MMP24OS: variants seen among roughly 807,000 people sequenced by gnomAD.
The protein encoded by MMP24OS is MMP24 opposite strand.
chr20:35,277,884 G>C lies in MMP24OS; in HGVS notation c.46C>G (p.Gln16Glu). 5.0e-6 allele frequency: 2 copies of C among 398,942 alleles called. No homozygotes were observed. The highest frequency in any genetic ancestry group is 8.8e-6 in the Non-Finnish European group (2 of 226,538). The allele number at this position is 398,942 out of a possible 1,614,324, so 24.7% of individuals were successfully genotyped here. ...SGGRGAPEPA[Q>E]TQPQPQPQPA... ...TGGGGCTGGGGCTGGGGCTGGGTTT[G>C]CGCAGGCTCCGGGGCGCCGCGGCCG... The change falls in exon 2 of 2, where the codon CAA (glutamine) becomes GAA (glutamate). Residue 16 changes from glutamine (Q) to glutamate (E), a missense_variant. Gln to Glu is a conservative substitution (Grantham distance 29, BLOSUM62 2). Coordinates refer to ENST00000456790, the MANE Select transcript of MMP24OS (RefSeq NM_001355003.2).
Position 35,278,034 on chromosome 20 carries a change from C to A in MMP24OS, c.-29G>T. 1 of 389,180 alleles carries A rather than the reference C, an allele frequency of 2.6e-6. No individual in the cohort carries two copies. The allele number at this position is 389,180 out of a possible 1,614,324, so 24.1% of individuals were successfully genotyped here. ...CTCTCGCAGCCAGACCCGCGGGTCT[C>A]CCGGAACCCACCTCGGCGTCGGGAG... is the stretch of plus-strand genomic sequence containing the variant. On this transcript the variant is annotated 5_prime_UTR_variant, in exon 1 of 2. Coordinates refer to ENST00000456790, the MANE Select transcript of MMP24OS (RefSeq NM_001355003.2).
rs865837800 is a variant in MMP24OS, at chr20:35,278,104, C to G, written c.-99G>C. ...ACCACCGCGTACCGACCTCACCCTC[C>G]GTGCGTTGGAGCGGAAAGAAGGGAC... On this transcript the variant is annotated 5_prime_UTR_variant, in exon 1 of 2. Transcript: ENST00000456790. 5.2e-6 allele frequency: 2 copies of G among 387,946 alleles called. No individual in the cohort carries two copies. Among genetic ancestry groups the G allele is most frequent in the East Asian group, 7.3e-5 (2 of 27,250 alleles). 24.0% of individuals were successfully genotyped at this position (387,946 alleles called of 1,614,324 possible).
At position 35,277,616 on chromosome 20, in the gene MMP24OS, G is replaced by T. The variant is rs2060720714; in HGVS notation, c.*98C>A. ...ATCTCTGGGGAGCCTCGGGTGGGAG[G>T]GGGTGTAAGAGACGCAGGGACGTGG... On this transcript the variant is annotated 3_prime_UTR_variant, in exon 2 of 2. Transcript: ENST00000456790. 2 of 392,722 alleles carry T rather than the reference G, an allele frequency of 5.1e-6. No individual in the cohort carries two copies. The highest frequency in any genetic ancestry group is 7.2e-5 in the East Asian group (2 of 27,648). 24.3% of individuals were successfully genotyped at this position (392,722 alleles called of 1,614,324 possible). A position where few individuals can be genotyped will look rare whatever the true frequency, so the allele number is the denominator to read the frequency against.
chr20:35,276,424 G>A lies in MMP24OS; in HGVS notation c.*1290C>T, dbSNP rs537012121. On this transcript the variant is annotated 3_prime_UTR_variant, in exon 2 of 2. Coordinates refer to ENST00000456790, the MANE Select transcript of MMP24OS (RefSeq NM_001355003.2). ...ATGAAACTCGTGTTAGGCCCTGGGA[G>A]GCCGACGGTAACTCTCACCGTGCCC... The A allele has an allele frequency of 1.8e-5, 7 of 398,016 alleles. No homozygotes were observed. Among genetic ancestry groups the A allele is most frequent in the African/African-American group, 4.1e-5 (2 of 48,754 alleles). 24.7% of individuals were successfully genotyped at this position (398,016 alleles called of 1,614,324 possible).
rs886128183 is a variant in MMP24OS at position 35,277,464 on chromosome 20, T to C, written c.*250A>G. On this transcript the variant is annotated 3_prime_UTR_variant, in exon 2 of 2. Transcript: ENST00000456790. ...CGACCCAGCCAGCCGGAGAAAGGGA[T>C]GGGGTGGTCACGAAGGTCTGAGCTG... is the stretch of plus-strand genomic sequence containing the variant. 1.3e-5 allele frequency: 5 copies of C among 376,664 alleles called. No individual in the cohort carries two copies. Among genetic ancestry groups the C allele is most frequent in the Non-Finnish European group, 2.4e-5 (5 of 212,532 alleles). The allele number at this position is 376,664 out of a possible 1,614,324, so 23.3% of individuals were successfully genotyped here.
Position 35,277,607 on chromosome 20 carries a change from G to A in MMP24OS, c.*107C>T, listed in dbSNP as rs1332849797. 1.3e-5 allele frequency: 5 copies of A among 392,152 alleles called. No homozygotes were observed. In the East Asian group the frequency reaches 1.4e-4, roughly 11 times the overall value. The allele number at this position is 392,152 out of a possible 1,614,324, so 24.3% of individuals were successfully genotyped here. ...TTCTCTGCTATCTCTGGGGAGCCTC[G>A]GGTGGGAGGGGGTGTAAGAGACGCA... On this transcript the variant is annotated 3_prime_UTR_variant, in exon 2 of 2. Transcript: ENST00000456790.
rs1180777826 is a variant in MMP24OS, at chr20:35,277,030, G to C, written c.*684C>G. On this transcript the variant is annotated 3_prime_UTR_variant, in exon 2 of 2. Transcript: ENST00000456790. Reference sequence around the variant, plus strand: ...CATTTCCCTGGGATGAGGGAACAAAGATCAGGTTCCAAGAGTAACCTTAGG... The same window carrying C: ...CATTTCCCTGGGATGAGGGAACAAACATCAGGTTCCAAGAGTAACCTTAGG... 6.6e-6 allele frequency: 1 copy of C among 152,560 alleles called. No individual in the cohort carries two copies. Among genetic ancestry groups the C allele is most frequent in the Non-Finnish European group, 1.5e-5 (1 of 67,964 alleles). 9.5% of individuals were successfully genotyped at this position (152,560 alleles called of 1,614,324 possible).
Position 35,276,435 on chromosome 20 carries a change from ACT to A in MMP24OS, c.*1277_*1278del. 1 of 397,664 alleles carries A rather than the reference ACT, an allele frequency of 2.5e-6. No individual in the cohort carries two copies. The highest frequency in any genetic ancestry group is 4.4e-6 in the Non-Finnish European group (1 of 225,730). 24.6% of individuals were successfully genotyped at this position (397,664 alleles called of 1,614,324 possible). ...GTTAGGCCCTGGGAGGCCGACGGTA[ACT>A]CTCACCGTGCCCTCAGATGAAGCAC... On this transcript the variant is annotated 3_prime_UTR_variant, in exon 2 of 2. Coordinates refer to ENST00000456790, the MANE Select transcript of MMP24OS (RefSeq NM_001355003.2).
chr20:35,277,321 G>T lies in MMP24OS; in HGVS notation c.*393C>A. The T allele has an allele frequency of 5.4e-6, 1 of 183,568 alleles. No homozygotes were observed. The allele number at this position is 183,568 out of a possible 1,614,324, so 11.4% of individuals were successfully genotyped here. A position where few individuals can be genotyped will look rare whatever the true frequency, so the allele number is the denominator to read the frequency against. ...ACCTGGGACACATAGTCAAGAGCAC[G>T]GTTATCAGCAATACAGATATTAATA... On this transcript the variant is annotated 3_prime_UTR_variant, in exon 2 of 2. Coordinates refer to ENST00000456790, the MANE Select transcript of MMP24OS (RefSeq NM_001355003.2).
At position 35,277,625 on chromosome 20, in the gene MMP24OS, G is replaced by A. The variant is rs1316668791; in HGVS notation, c.*89C>T. On this transcript the variant is annotated 3_prime_UTR_variant, in exon 2 of 2. Transcript: ENST00000456790. Reference sequence around the variant, plus strand: ...GAGCCTCGGGTGGGAGGGGGTGTAAGAGACGCAGGGACGTGGGGAGAGGAG... The same window carrying A: ...GAGCCTCGGGTGGGAGGGGGTGTAAAAGACGCAGGGACGTGGGGAGAGGAG... 7.6e-6 allele frequency: 3 copies of A among 393,302 alleles called. No homozygotes were observed. Among genetic ancestry groups the A allele is most frequent in the Non-Finnish European group, 1.3e-5 (3 of 222,658 alleles). 24.4% of individuals were successfully genotyped at this position (393,302 alleles called of 1,614,324 possible).
At position 35,278,057 on chromosome 20, in the gene MMP24OS, G is replaced by A. The variant is rs2146255759; in HGVS notation, c.-52C>T. On this transcript the variant is annotated 5_prime_UTR_variant, in exon 1 of 2. Transcript: ENST00000456790. ...CTCCCGGAACCCACCTCGGCGTCGG[G>A]AGGAGCTGGCGCCGTGACGCCACCA... The A allele has an allele frequency of 5.1e-6, 2 of 388,964 alleles. No homozygotes were observed. The highest frequency in any genetic ancestry group is 3.7e-5 in the East Asian group (1 of 27,354). The allele number at this position is 388,964 out of a possible 1,614,324, so 24.1% of individuals were successfully genotyped here.
Position 35,278,029 on chromosome 20 carries a change from G to A in MMP24OS, c.-24C>T, listed in dbSNP as rs2060729517. The A allele has an allele frequency of 5.1e-6, 2 of 388,966 alleles. No homozygotes were observed. Among genetic ancestry groups the A allele is most frequent in the Non-Finnish European group, 9.1e-6 (2 of 220,058 alleles). The allele number at this position is 388,966 out of a possible 1,614,324, so 24.1% of individuals were successfully genotyped here. On this transcript the variant is annotated 5_prime_UTR_variant, in exon 1 of 2. Transcript: ENST00000456790. ...CTCACCTCTCGCAGCCAGACCCGCG[G>A]GTCTCCCGGAACCCACCTCGGCGTC...
In MMP24OS at chr20:35,277,405, G is replaced by A; in HGVS notation, c.*309C>T. On this transcript the variant is annotated 3_prime_UTR_variant, in exon 2 of 2. Coordinates refer to ENST00000456790, the MANE Select transcript of MMP24OS (RefSeq NM_001355003.2). Reference sequence around the variant, plus strand: ...GCGGGCTTACCAGGAGGCCTGTCCTGCCTCTGGAAGCCAGCGACAGAGAGG... The same window carrying A: ...GCGGGCTTACCAGGAGGCCTGTCCTACCTCTGGAAGCCAGCGACAGAGAGG... 1 of 339,032 alleles carries A rather than the reference G, an allele frequency of 2.9e-6. No homozygotes were observed. 21.0% of individuals were successfully genotyped at this position (339,032 alleles called of 1,614,324 possible).
rs999633725 is a variant in MMP24OS, at chr20:35,278,036, C to T, written c.-31G>A. 6 of 388,992 alleles carry T rather than the reference C, an allele frequency of 1.5e-5. No individual in the cohort carries two copies. Among genetic ancestry groups the T allele is most frequent in the Non-Finnish European group, 2.7e-5 (6 of 220,030 alleles). The allele number at this position is 388,992 out of a possible 1,614,324, so 24.1% of individuals were successfully genotyped here. On this transcript the variant is annotated 5_prime_UTR_variant, in exon 1 of 2. Coordinates refer to ENST00000456790, the MANE Select transcript of MMP24OS (RefSeq NM_001355003.2). ...CTCGCAGCCAGACCCGCGGGTCTCC[C>T]GGAACCCACCTCGGCGTCGGGAGGA...
chr20:35,277,851 C>G lies in MMP24OS; in HGVS notation c.79G>C (p.Ala27Pro), dbSNP rs1018959627. 2.5e-6 allele frequency: 1 copy of G among 392,404 alleles called. No homozygotes were observed. Among genetic ancestry groups the G allele is most frequent in the Non-Finnish European group, 4.5e-6 (1 of 224,416 alleles). The allele number at this position is 392,404 out of a possible 1,614,324, so 24.3% of individuals were successfully genotyped here. A position where few individuals can be genotyped will look rare whatever the true frequency, so the allele number is the denominator to read the frequency against. ...CGGGGCTGTTCCGGGCCCTCCGGCG[C>G]CGCAGGCTGGGGCTGGGGCTGGGGC... ...TQPQPQPQPAAPEGPEQPRHP... is the reference protein window; with the variant it reads ...TQPQPQPQPAPPEGPEQPRHP... Residue 27 changes from alanine (A) to proline (P), a missense_variant, in exon 2 of 2, where the codon GCG becomes CCG. Coordinates refer to ENST00000456790, the MANE Select transcript of MMP24OS (RefSeq NM_001355003.2).
rs1160453482 is a variant in MMP24OS at position 35,277,779 on chromosome 20, C to G, written c.151G>C (p.Glu51Gln). 7 of 172,520 alleles carry G rather than the reference C, an allele frequency of 4.1e-5. No homozygotes were observed. The highest frequency in any genetic ancestry group is 6.2e-5 in the Non-Finnish European group (6 of 97,236). 10.7% of individuals were successfully genotyped at this position (172,520 alleles called of 1,614,324 possible). ...QPQPQPQPQPEPSPWGPLDDV... is the reference protein window; with the variant it reads ...QPQPQPQPQPQPSPWGPLDDV... The stretch of plus-strand genomic sequence containing the variant: ...TCCAGCGGCCCCCACGGGCTGGGCT[C>G]GGGCTGGGGCTGGGGCTGGGGCTGG... The change falls in exon 2 of 2, where the codon GAG (glutamate) becomes CAG (glutamine). Residue 51 changes from glutamate to glutamine, a missense_variant. Physicochemically the swap from Glu to Gln is conservative, Grantham distance 29 (BLOSUM62 2). Coordinates refer to ENST00000456790, the MANE Select transcript of MMP24OS (RefSeq NM_001355003.2).
chr20:35,277,747 C>T lies in MMP24OS; in HGVS notation c.183G>A (p.Val61=), dbSNP rs972698027. The T allele has an allele frequency of 7.9e-6, 3 of 380,270 alleles. No homozygotes were observed. Among genetic ancestry groups the T allele is most frequent in the Non-Finnish European group, 9.3e-6 (2 of 216,048 alleles). 23.6% of individuals were successfully genotyped at this position (380,270 alleles called of 1,614,324 possible). A position where few individuals can be genotyped will look rare whatever the true frequency, so the allele number is the denominator to read the frequency against. The change falls in exon 2 of 2, where the codon GTG becomes GTA. Residue 61 remains valine (V), a synonymous_variant. Transcript: ENST00000456790. Reference sequence around the variant, plus strand: ...AGGAAGTGCAGGCGATGAGGAAGCGCACGTCGTCCAGCGGCCCCCACGGGC... The same window carrying T: ...AGGAAGTGCAGGCGATGAGGAAGCGTACGTCGTCCAGCGGCCCCCACGGGC... ...EPSPWGPLDD[V]RFLIACTSWY is the part of the protein sequence containing the mutation.
At chr20:35,277,979 G>A (rs1165948292) in intron 1 of MMP24OS, 30 bp downstream of exon 1, 1 of 395,512 alleles carries the variant, frequency 2.5e-6, no homozygotes, top group Non-Finnish European at 4.5e-6. Context: ...GGGACACCCC[G>A]CTAGGGCCCC....
Position 35,278,081 on chromosome 20 carries a change from C to G in MMP24OS, c.-76G>C. On this transcript the variant is annotated 5_prime_UTR_variant, in exon 1 of 2. Transcript: ENST00000456790. Reference sequence around the variant, plus strand: ...GGAGGAGCTGGCGCCGTGACGCCACCACCGCGTACCGACCTCACCCTCCGT... The same window carrying G: ...GGAGGAGCTGGCGCCGTGACGCCACGACCGCGTACCGACCTCACCCTCCGT... The G allele has an allele frequency of 2.6e-6, 1 of 389,378 alleles. No individual in the cohort carries two copies. The highest frequency in any genetic ancestry group is 1.4e-4 in the South Asian group (1 of 7,000). The allele number at this position is 389,378 out of a possible 1,614,324, so 24.1% of individuals were successfully genotyped here.
Sources: gnomAD v4.1 joint callset for allele counts on GRCh38, gnomAD v4.1.1 for gene constraint, MANE v1.5 for transcripts, NCBI Gene and HGNC (gene_info 2026-07-23, HGNC 2026-07-21) for gene names.